Variants in CABLES1 observed in about 807,000 individuals in gnomAD.
CABLES1 encodes Cdk5 and Abl enzyme substrate 1.
CABLES1 carries 36 observed loss-of-function variants against 57.8 expected under a neutral mutation model. The ratio of observed to expected loss-of-function variants is 0.62; its 90% confidence interval spans 0.48 to 0.82. The LOEUF (loss-of-function observed/expected upper bound fraction) is 0.82. CABLES1 is among the 40% of genes least tolerant of loss of function. The pLI is 0.00. For missense variants in CABLES1, 767 were observed against 836.6 expected (o/e 0.92, Z 1.03); for synonymous variants, 374 against 363.0 (o/e 1.03, Z -0.35).
intron 1 of CABLES1, among the ~76,000 whole-genome samples, chr18:23,184,309 G>A (rs72874964): frequency 0.24 from 21,254 of 88,236 alleles, 1,823 homozygotes; most frequent in Middle Eastern, 0.34. Context: ...ATACTGGCAC[G>A]TGTGTGTGTG....
At chr18:23,239,268 A>G (rs1413505684) in intron 7 of CABLES1, among the ~76,000 whole-genome samples, 1 of 152,048 alleles carries the variant, frequency 6.6e-6, no homozygotes, top group Non-Finnish European at 1.5e-5. Flanking sequence ...TTTTAATTTC[A>G]CTGCATTGGC....
intron 4 of CABLES1, among the ~76,000 whole-genome samples, chr18:23,232,000 C>G (rs533010096): frequency 3.3e-5 from 5 of 152,266 alleles, no homozygotes; most frequent in Admixed American, 3.3e-4. Flanking sequence ...TTCATGCCAT[C>G]TGCATGTACC....
chr18:23,165,841 T>G (rs969122706), intron 1 of CABLES1, among the ~76,000 whole-genome samples: 42 of 152,144 alleles, frequency 2.8e-4, no homozygotes, highest in African/African-American at 8.7e-4. Context: ...AAACTCGTCC[T>G]CTCCTCCCCC....
intron 1 of CABLES1, among the ~76,000 whole-genome samples, chr18:23,179,312 T>C (rs1414686040): frequency 1.3e-5 from 2 of 152,064 alleles, no homozygotes; most frequent in Admixed American, 6.6e-5. Flanking sequence ...TTTCTTCCCA[T>C]TGTGTCTAAT....
chr18:23,187,333 C>T (rs1201843799), intron 1 of CABLES1, among the ~76,000 whole-genome samples: 2 of 152,198 alleles, frequency 1.3e-5, no homozygotes, highest in Non-Finnish European at 1.5e-5. Flanking sequence ...GAGTGAGGAG[C>T]TGAGAGTGTT....
At chr18:23,176,811 C>T (rs1434287918) in intron 1 of CABLES1, among the ~76,000 whole-genome samples, 1 of 152,126 alleles carries the variant, frequency 6.6e-6, no homozygotes, top group Non-Finnish European at 1.5e-5. Context: ...TGTCAAAATC[C>T]ACTCCTGCTG....
chr18:23,229,788 C>T (rs561471196), intron 4 of CABLES1, among the ~76,000 whole-genome samples: 1 of 152,334 alleles, frequency 6.6e-6, no homozygotes, highest in Non-Finnish European at 1.5e-5. Context: ...TCTAGGCTTC[C>T]AAAAGAGAGG....
Position 23,260,005 on chromosome 18 carries a change from G to T in CABLES1, c.*2638G>T, listed in dbSNP as rs962324099. ...CTTTTCCCCCGGAGCCAGCCTAGGG[G>T]GCCCGGGACTCCTCTAGTGAGCCTT... On this transcript the variant is annotated 3_prime_UTR_variant, in exon 10 of 10. Transcript: ENST00000256925. 1.3e-5 allele frequency: 2 copies of T among 152,072 alleles called. No homozygotes were observed. Among genetic ancestry groups the T allele is most frequent in the African/African-American group, 2.4e-5 (1 of 41,354 alleles). 9.4% of individuals were successfully genotyped at this position (152,072 alleles called of 1,614,324 possible).
At chr18:23,157,841 G>A (rs1260923428) in intron 1 of CABLES1, among the ~76,000 whole-genome samples, 1 of 151,716 alleles carries the variant, frequency 6.6e-6, no homozygotes, top group African/African-American at 2.4e-5. Flanking sequence ...AAATAAAATA[G>A]ACTGCAGCAT....
intron 2 of CABLES1, 49 bp from the exon 3 acceptor site, chr18:23,194,399 C>A: frequency 1.7e-6 from 2 of 1,172,842 alleles, no homozygotes; most frequent in Non-Finnish European, 2.6e-6. Flanking sequence ...GACGTCTCAG[C>A]TGTCCAGCAG....
chr18:23,155,079 T>C (rs2046956913), intron 1 of CABLES1, among the ~76,000 whole-genome samples: 1 of 152,214 alleles, frequency 6.6e-6, no homozygotes, highest in Admixed American at 6.5e-5. Context: ...TCCAGTACTC[T>C]GTGAGCAGCA....
At chr18:23,219,213 G>T (rs559752147) in intron 4 of CABLES1, 5 of 454,118 alleles carry the variant, frequency 1.1e-5, no homozygotes, top group Non-Finnish European at 1.8e-5. Flanking sequence ...ATGTCTCTCT[G>T]TGTGTGGAGC....
chr18:23,219,118 A>C (rs1053230511), intron 4 of CABLES1: 1 of 452,134 alleles, frequency 2.2e-6, no homozygotes, highest in African/African-American at 2.0e-5. Context: ...ATTGTACAGC[A>C]GAATTCACTC....
intron 1 of CABLES1, among the ~76,000 whole-genome samples, chr18:23,160,767 C>T (rs1178769581): frequency 1.3e-5 from 2 of 152,212 alleles, no homozygotes; most frequent in Non-Finnish European, 2.9e-5. Context: ...GGTATGGTGG[C>T]TCATGCCTGT....
Position 23,135,496 on chromosome 18 carries a change from G to C in CABLES1, c.-267G>C, listed in dbSNP as rs1684679342. The C allele has an allele frequency of 6.7e-6, 1 of 149,802 alleles. No individual in the cohort carries two copies. The highest frequency in any genetic ancestry group is 6.7e-5 in the Admixed American group (1 of 14,954). 9.3% of individuals were successfully genotyped at this position (149,802 alleles called of 1,614,324 possible). ...CGGCCCCGGAGCCCGCGAGCCAGCG[G>C]CCAGGCGACCGGCGGGCGGCCAGCC... On this transcript the variant is annotated 5_prime_UTR_variant, in exon 1 of 10. Coordinates refer to ENST00000256925, the MANE Select transcript of CABLES1 (RefSeq NM_001100619.3).
intron 1 of CABLES1, among the ~76,000 whole-genome samples, chr18:23,147,428 A>G (rs761023588): frequency 1.3e-5 from 2 of 152,244 alleles, no homozygotes; most frequent in South Asian, 4.1e-4. Flanking sequence ...GCAGAATGCA[A>G]CACTAAACAC....
intron 1 of CABLES1, among the ~76,000 whole-genome samples, chr18:23,163,895 A>T (rs963783356): frequency 2.0e-5 from 3 of 152,220 alleles, no homozygotes; most frequent in Non-Finnish European, 4.4e-5. Context: ...AGAGTTTAAA[A>T]AATATTAACA....
rs1288896941 is a variant in CABLES1, at chr18:23,219,788, G to T, written c.1088+5734G>T. Among the ~76,000 whole-genome samples the T allele has an allele frequency of 2.0e-5, 3 of 152,356 alleles. No homozygotes were observed. In the East Asian group the frequency reaches 5.8e-4, roughly 29 times the overall value. ...TGTCAGTGCTGCTGATGCAGAAGCAGTAAGTTGTGTTGAACAAGGAATTTA... is the reference window on the plus strand; with the variant it reads ...TGTCAGTGCTGCTGATGCAGAAGCATTAAGTTGTGTTGAACAAGGAATTTA... On this transcript the variant is annotated intron_variant, in intron 4 of 9. Coordinates refer to ENST00000256925, the MANE Select transcript of CABLES1 (RefSeq NM_001100619.3).
chr18:23,181,660 T>C (rs1177205622), intron 1 of CABLES1, among the ~76,000 whole-genome samples: 1 of 152,162 alleles, frequency 6.6e-6, no homozygotes, highest in Non-Finnish European at 1.5e-5. Flanking sequence ...CCAGCCATGA[T>C]TGAGTACCTG....
Sources: gnomAD v4.1 joint callset for allele counts (sites outside exome capture counted in the v4.1 genomes callset) on GRCh38, gnomAD v4.1.1 for gene constraint, MANE v1.5 for transcripts, NCBI Gene and HGNC (gene_info 2026-07-23, HGNC 2026-07-21) for gene names.